GPATCH8: variants seen among roughly 807,000 people sequenced by gnomAD.
GPATCH8 encodes G-patch domain containing 8, also known as G patch domain-containing protein 8.
In GPATCH8, 18 loss-of-function variants were observed where a neutral mutation model predicts 118.3. The ratio of observed to expected loss-of-function variants is 0.15; its 90% CI spans 0.11 to 0.23. The LOEUF (loss-of-function observed/expected upper bound fraction) is 0.23. Among genes scored for constraint, GPATCH8 ranks in the 10% least tolerant of loss-of-function variants. The pLI is 1.00. For synonymous variants in GPATCH8, 659 were observed against 684.7 expected (o/e 0.96, Z 0.59); for missense variants, 1,631 against 1,873.8 (o/e 0.87, Z 2.39).
chr17:44,479,466 G>A (rs776109612), intron 1 of GPATCH8, among the ~76,000 whole-genome samples: 1 of 152,012 alleles, frequency 6.6e-6, no homozygotes, highest in Non-Finnish European at 1.5e-5. Flanking sequence ...TTCAATTAAC[G>A]GTGCTAGAAC....
chr17:44,400,447 C>T lies in GPATCH8; in HGVS notation c.1630G>A (p.Asp544Asn), dbSNP rs751568232. 1.9e-6 allele frequency: 3 copies of T among 1,614,060 alleles called. No homozygotes were observed. Among genetic ancestry groups the T allele is most frequent in the African/African-American group, 1.3e-5 (1 of 74,922 alleles). ...GGCCACTGGAGGGCAGTGCTTTCAT[C>T]TTTGCTCAAAACTGGGAAGAAGGGA... is the stretch of plus-strand genomic sequence containing the variant. The part of the protein sequence containing the change: ...TGPFFPVLSK[D>N]ESTALQWPSE... The change falls in exon 8 of 8, where the codon GAT (aspartate) becomes AAT (asparagine). Residue 544 changes from aspartate to asparagine, a missense_variant. Asp to Asn is a conservative substitution (Grantham distance 23). Coordinates refer to ENST00000591680, the MANE Select transcript of GPATCH8 (RefSeq NM_001002909.4).
chr17:44,402,596 C>T (rs1420169218), intron 7 of GPATCH8, among the ~76,000 whole-genome samples: 1 of 151,978 alleles, frequency 6.6e-6, no homozygotes, highest in African/African-American at 2.4e-5. Flanking sequence ...CCAGTCTGGG[C>T]AACATAGTGA....
intron 3 of GPATCH8, among the ~76,000 whole-genome samples, chr17:44,437,633 T>C (rs1162202113): frequency 1.3e-5 from 2 of 149,690 alleles, no homozygotes; most frequent in Non-Finnish European, 3.0e-5. Flanking sequence ...TTAGGCTAAA[T>C]CTGAGGCATT....
At chr17:44,424,988 G>C (rs2050039637) in intron 5 of GPATCH8, among the ~76,000 whole-genome samples, 1 of 151,008 alleles carries the variant, frequency 6.6e-6, no homozygotes, top group South Asian at 2.1e-4. Context: ...ATTGAAAACT[G>C]TGGGACTCTT....
Position 44,399,588 on chromosome 17 carries a change from T to C in GPATCH8, c.2489A>G (p.Gln830Arg). The change falls in exon 8 of 8, where the codon CAG becomes CGG. Residue 830 changes from glutamine to arginine, a missense_variant. Physicochemically the swap from Gln to Arg is conservative, Grantham distance 43. Transcript: ENST00000591680. ...SDDASSHRLH[Q>R]KSPSQYSEEE... The stretch of plus-strand genomic sequence containing the variant: ...CTCACTGTACTGGGATGGAGACTTC[T>C]GGTGCAGCCGGTGTGAGGAAGCATC... 6.2e-7 allele frequency: 1 copy of C among 1,614,230 alleles called. No homozygotes were observed. The highest frequency in any genetic ancestry group is 8.5e-7 in the Non-Finnish European group (1 of 1,180,036).
intron 1 of GPATCH8, among the ~76,000 whole-genome samples, chr17:44,476,897 CAGGA>C (rs1479225332): frequency 6.6e-6 from 1 of 152,218 alleles, no homozygotes; most frequent in Non-Finnish European, 1.5e-5. Context: ...CTTGCTTCAT[CAGGA>C]AGGAATAGCT....
chr17:44,410,200 G>A (rs141236082), intron 6 of GPATCH8, among the ~76,000 whole-genome samples: 153 of 152,288 alleles, frequency 1.0e-3, no homozygotes, highest in Middle Eastern at 3.4e-3. Flanking sequence ...GGCTACCAAC[G>A]TCTGGCTCAT....
At chr17:44,449,513 CT>C (rs752494488) in intron 3 of GPATCH8, among the ~76,000 whole-genome samples, 264 of 124,770 alleles carry the variant, frequency 2.1e-3, no homozygotes, top group Middle Eastern at 0.01. Flanking sequence ...TCAGAATCTA[CT>C]TTTTTTTTTT....
intron 3 of GPATCH8, among the ~76,000 whole-genome samples, chr17:44,439,940 T>A (rs2050633772): frequency 6.6e-6 from 1 of 152,016 alleles, no homozygotes; most frequent in African/African-American, 2.4e-5. Flanking sequence ...TGCACCACCG[T>A]GCCCGGCTAA....
intron 5 of GPATCH8, among the ~76,000 whole-genome samples, chr17:44,431,179 T>G (rs1179899097): frequency 2.6e-5 from 4 of 151,236 alleles, no homozygotes; most frequent in Non-Finnish European, 2.9e-5. Flanking sequence ...TAGACCAGCC[T>G]GGCCAACATG....
chr17:44,424,256 T>C (rs1474447872), intron 6 of GPATCH8, 93 bp downstream of exon 6: 43 of 887,154 alleles, frequency 4.8e-5, no homozygotes, highest in Middle Eastern at 2.7e-4. Flanking sequence ...CAAGAAATCA[T>C]AGACACCAAG....
chr17:44,422,095 G>T (rs911016097), intron 6 of GPATCH8, among the ~76,000 whole-genome samples: 1 of 152,036 alleles, frequency 6.6e-6, no homozygotes, highest in Non-Finnish European at 1.5e-5. Flanking sequence ...TTTCTTAATT[G>T]AAAAAATTCT....
At chr17:44,449,165 T>A (rs1005728745) in intron 3 of GPATCH8, among the ~76,000 whole-genome samples, 1 of 151,996 alleles carries the variant, frequency 6.6e-6, no homozygotes, top group African/African-American at 2.4e-5. Flanking sequence ...TAATCCCAGC[T>A]ACTTGGGAGG....
In GPATCH8 at chr17:44,400,456, A is replaced by T; in HGVS notation, c.1621T>A (p.Leu541Met). ...AGGGCAGTGCTTTCATCTTTGCTCA[A>T]AACTGGGAAGAAGGGACCAGTAGGA... ...KHPTGPFFPV[L>M]SKDESTALQW... Residue 541 changes from leucine (L) to methionine (M), a missense_variant, in exon 8 of 8, where the codon TTG becomes ATG. Coordinates refer to ENST00000591680, the MANE Select transcript of GPATCH8 (RefSeq NM_001002909.4). 1 of 1,614,216 alleles carries T rather than the reference A, an allele frequency of 6.2e-7. No individual in the cohort carries two copies. The highest frequency in any genetic ancestry group is 1.1e-5 in the South Asian group (1 of 91,084).
chr17:44,474,981 T>C, intron 1 of GPATCH8, 78 bp from the exon 2 acceptor site: 1 of 745,080 alleles, frequency 1.3e-6, no homozygotes, highest in Non-Finnish European at 2.4e-6. Flanking sequence ...AAACTAAGGA[T>C]TATTTTTAAC....
intron 5 of GPATCH8, among the ~76,000 whole-genome samples, chr17:44,426,625 G>T (rs1035624503): frequency 2.1e-5 from 2 of 93,624 alleles, no homozygotes; most frequent in Non-Finnish European, 4.9e-5. Flanking sequence ...AAAAAAAAAA[G>T]GCTATCAGCA....
chr17:44,399,119 C>T lies in GPATCH8; in HGVS notation c.2958G>A (p.Arg986=). 1.2e-6 allele frequency: 2 copies of T among 1,611,968 alleles called. No individual in the cohort carries two copies. Among genetic ancestry groups the T allele is most frequent in the Non-Finnish European group, 1.7e-6 (2 of 1,178,612 alleles). Residue 986 remains arginine (R), a synonymous_variant, in exon 8 of 8, where the codon CGG becomes CGA. Coordinates refer to ENST00000591680, the MANE Select transcript of GPATCH8 (RefSeq NM_001002909.4). ...STTAHSWQRS[R]SYSRDRSRST... ...TGCGGCTGCGGTCCCGGCTATAGCT[C>T]CGGCTCCGTTGCCAGCTGTGGGCTG...
At chr17:44,469,061 T>C (rs1967060909) in intron 2 of GPATCH8, among the ~76,000 whole-genome samples, 1 of 152,234 alleles carries the variant, frequency 6.6e-6, no homozygotes, top group Non-Finnish European at 1.5e-5. Context: ...CTTTTTCACC[T>C]AGATTACCTC....
In GPATCH8 at chr17:44,414,131, A is replaced by ATATATATATGTGTATATATATGTG. The variant is rs2049578369; in HGVS notation, c.493-8081_493-8080insCACATATATATACACATATATATA. On this transcript the variant is annotated intron_variant, in intron 6 of 7. Transcript: ENST00000591680. ...TATATATATATGTATATATATGTGTATATATATATATGTGTATATATATAT... is the reference window on the plus strand; with the variant it reads ...TATATATATATGTATATATATGTGTATATATATATGTGTATATATATGTGTATATATATATGTGTATATATATAT... Among the ~76,000 whole-genome samples, 5 of 26,592 alleles carry ATATATATATGTGTATATATATGTG rather than the reference A, an allele frequency of 1.9e-4. 1 individual carries two copies. Among genetic ancestry groups the ATATATATATGTGTATATATATGTG allele is most frequent in the South Asian group, 1.7e-3 (3 of 1,752 alleles). The allele number at this position is 26,592 out of a possible 152,430, so 17.4% of individuals were successfully genotyped here. A position where few individuals can be genotyped will look rare whatever the true frequency, so the allele number is the denominator to read the frequency against.
Sources: allele counts gnomAD v4.1 joint callset (sites outside exome capture counted in the v4.1 genomes callset), GRCh38; gene constraint gnomAD v4.1.1; transcripts MANE v1.5; gene names NCBI Gene and HGNC (gene_info 2026-07-23, HGNC 2026-07-21).